Variants in KIF18B observed in about 807,000 individuals in gnomAD.
The protein encoded by KIF18B is kinesin family member 18B, also known as kinesin-like protein KIF18B.
KIF18B carries 49 observed loss-of-function variants against 80.9 expected under a neutral mutation model. That is an observed-to-expected ratio of 0.61 (90% CI 0.48 to 0.77). The LOEUF is 0.77. KIF18B is among the 30% of genes least tolerant of loss of function. The pLI, the probability that KIF18B is intolerant of heterozygous loss-of-function variation, is 0.00. For synonymous variants in KIF18B, 439 were observed against 463.9 expected, an observed-to-expected ratio of 0.95 and a Z score of 0.69; for missense variants, 994 against 1,127.7, an observed-to-expected ratio of 0.88 and a Z score of 1.70.
At chr17:44,938,681 T>C (rs1772738154) in intron 1 of KIF18B, among the ~76,000 whole-genome samples, 1 of 152,192 alleles carries the variant, frequency 6.6e-6, no homozygotes, top group African/African-American at 2.4e-5. Flanking sequence ...CCAAGGTCAT[T>C]TATCGAATAG....
chr17:44,928,136 G>A lies in KIF18B; in HGVS notation c.2166C>T (p.Ala722=). ...GAGGCTCCTCAGAGAGATCAAAGGT[G>A]GCATTGAGGTCTCGAGTGGGCAGAG... The part of the protein sequence containing the change: ...PLALPTRDLN[A]TFDLSEEPPS... Residue 722 remains alanine (A), a synonymous_variant, in exon 13 of 16, where the codon GCC becomes GCT. Coordinates refer to ENST00000593135, the MANE Select transcript of KIF18B (RefSeq NM_001265577.2). The A allele has an allele frequency of 6.2e-7, 1 of 1,605,736 alleles. No individual in the cohort carries two copies. Among genetic ancestry groups the A allele is most frequent in the South Asian group, 1.1e-5 (1 of 90,202 alleles).
chr17:44,938,802 T>C (rs1269392025), intron 1 of KIF18B, among the ~76,000 whole-genome samples: 2 of 152,156 alleles, frequency 1.3e-5, no homozygotes, highest in African/African-American at 4.8e-5. Flanking sequence ...CCCAGCACTT[T>C]GGGAGACCAA....
At position 44,936,624 on chromosome 17, in the gene KIF18B, A is replaced by AT. The variant is rs72105429; in HGVS notation, c.-14-267dup. Among the ~76,000 whole-genome samples, 11 of 27,904 alleles carry AT rather than the reference A, an allele frequency of 3.9e-4. 1 individual carries two copies. The highest frequency in any genetic ancestry group is 8.4e-4 in the African/African-American group (6 of 7,132). The allele number at this position is 27,904 out of a possible 152,430, so 18.3% of individuals were successfully genotyped here. On this transcript the variant is annotated intron_variant, in intron 1 of 15. Coordinates refer to ENST00000593135, the MANE Select transcript of KIF18B (RefSeq NM_001265577.2). ...TATATATATATATATATATATATAT[A>AT]TTTTTTTTTTTTTTTTTTTTTTTTT...
In KIF18B at chr17:44,928,587, A is replaced by T; in HGVS notation, c.1724-9T>A. The T allele has an allele frequency of 6.9e-7, 1 of 1,446,632 alleles. No homozygotes were observed. 89.6% of individuals were successfully genotyped at this position (1,446,632 alleles called of 1,614,324 possible). On this transcript the variant is annotated splice_polypyrimidine_tract_variant and intron_variant, in intron 12 of 15. Coordinates refer to ENST00000593135, the MANE Select transcript of KIF18B (RefSeq NM_001265577.2). Reference sequence around the variant, plus strand: ...AGGAGACGGCACAGGGACTGCACAGAAGGAAGGAGAGTTTGTAGAACTTGG... The same window carrying T: ...AGGAGACGGCACAGGGACTGCACAGTAGGAAGGAGAGTTTGTAGAACTTGG...
At chr17:44,931,934 G>T in intron 10 of KIF18B, 122 bp downstream of exon 10, 1 of 1,225,374 alleles carries the variant, frequency 8.2e-7, no homozygotes, top group Non-Finnish European at 1.1e-6. Flanking sequence ...AATGACTAAG[G>T]TGCAAGACAT....
At chr17:44,946,253 C>T (rs1191029305) in intron 1 of KIF18B, among the ~76,000 whole-genome samples, 1 of 151,924 alleles carries the variant, frequency 6.6e-6, no homozygotes, top group Non-Finnish European at 1.5e-5. Flanking sequence ...CAACAGTATA[C>T]ATGTATACTT....
intron 1 of KIF18B, among the ~76,000 whole-genome samples, chr17:44,937,118 A>G (rs2052327394): frequency 6.6e-6 from 1 of 151,642 alleles, no homozygotes; most frequent in Non-Finnish European, 1.5e-5. Context: ...TCCAGCTAGT[A>G]AGGCAAGAAC....
intron 1 of KIF18B, among the ~76,000 whole-genome samples, chr17:44,943,974 C>T (rs2052466750): frequency 6.6e-6 from 1 of 152,208 alleles, no homozygotes; most frequent in Non-Finnish European, 1.5e-5. Flanking sequence ...ACCTCAGCCT[C>T]CCAAAGTGCT....
intron 1 of KIF18B, among the ~76,000 whole-genome samples, chr17:44,943,261 G>A (rs560025938): frequency 1.1e-3 from 169 of 152,100 alleles, no homozygotes; most frequent in African/African-American, 3.8e-3. Context: ...CACCACGCCC[G>A]ACTAATTTTT....
intron 9 of KIF18B, 122 bp from the exon 10 acceptor site, chr17:44,932,328 C>T (rs545491869): frequency 4.2e-5 from 47 of 1,122,778 alleles, no homozygotes; most frequent in Middle Eastern, 3.1e-4. Context: ...GCACCCAGGT[C>T]GTATAGAGTC....
intron 1 of KIF18B, among the ~76,000 whole-genome samples, 197 bp from the exon 2 acceptor site, chr17:44,936,555 A>ACTCTCTCTCTCTCT (rs59137224): frequency 2.7e-5 from 1 of 37,232 alleles, no homozygotes; most frequent in East Asian, 9.3e-4. Flanking sequence ...TACTCAAATG[A>ACTCTCTCTCTCTCT]CTCTCTCTCT....
At chr17:44,939,740 GTATTA>G (rs1256684933) in intron 1 of KIF18B, among the ~76,000 whole-genome samples, 2 of 151,938 alleles carry the variant, frequency 1.3e-5, no homozygotes, top group Non-Finnish European at 2.9e-5. Flanking sequence ...CTTCACATGG[GTATTA>G]TATATTTCTT....
At chr17:44,936,982 T>C (rs1367635832) in intron 1 of KIF18B, among the ~76,000 whole-genome samples, 3 of 151,334 alleles carry the variant, frequency 2.0e-5, no homozygotes, top group African/African-American at 4.8e-5. Context: ...CTGGGCTTTC[T>C]AGTATGTTCC....
chr17:44,934,024 G>A lies in KIF18B; in HGVS notation c.961C>T (p.Arg321Cys), dbSNP rs145778164. ...LLKDSLGGNC[R>C]TVMIAAISPS... ...CTGATGGCAGCGATCATCACTGTGC[G>A]GCAGTTGCCCCCGAGGGAGTCTTTG... The change falls in exon 7 of 16, where the codon CGC (arginine) becomes TGC (cysteine). Residue 321 changes from arginine (R) to cysteine (C), a missense_variant. Coordinates refer to ENST00000593135, the MANE Select transcript of KIF18B (RefSeq NM_001265577.2). The surrounding 1 kb of genome is among the most constrained non-coding windows in gnomAD (Gnocchi z 5.4). 3.3e-4 allele frequency: 532 copies of A among 1,611,812 alleles called. 1 individual carries two copies. In the African/African-American group the frequency reaches 5.9e-3, roughly 18 times the overall value.
At chr17:44,939,821 T>A (rs1384328107) in intron 1 of KIF18B, among the ~76,000 whole-genome samples, 2 of 152,238 alleles carry the variant, frequency 1.3e-5, no homozygotes, top group African/African-American at 4.8e-5. Flanking sequence ...TATTTTATTT[T>A]TATTTTTTTT....
chr17:44,928,166 C>A lies in KIF18B; in HGVS notation c.2136G>T (p.Pro712=), dbSNP rs200703182. 16 of 1,608,932 alleles carry A rather than the reference C, an allele frequency of 9.9e-6. No homozygotes were observed. Among genetic ancestry groups the A allele is most frequent in the Non-Finnish European group, 1.3e-5 (15 of 1,177,492 alleles). ...GPSAMQNCST[P]LALPTRDLNA... ...TGAGGTCTCGAGTGGGCAGAGCCAG[C>A]GGGGTGGAGCAGTTCTGCATGGCGG... Residue 712 remains proline (P), a synonymous_variant, in exon 13 of 16, where the codon CCG becomes CCT. Transcript: ENST00000593135.
rs2052412062 is a variant in KIF18B, at chr17:44,941,349, T to C, written c.-14-4991A>G. Among the ~76,000 whole-genome samples, 5 of 151,222 alleles carry C rather than the reference T, an allele frequency of 3.3e-5. No homozygotes were observed. The South Asian group carries it at 1.0e-3, about 32-fold the overall frequency. On this transcript the variant is annotated intron_variant, in intron 1 of 15. Coordinates refer to ENST00000593135, the MANE Select transcript of KIF18B (RefSeq NM_001265577.2). ...ACCTAATTTTCTTTTTCTTTTTTTTTTTTTTTTGAGACAGAGTCTCGCTCT... is the reference window on the plus strand; with the variant it reads ...ACCTAATTTTCTTTTTCTTTTTTTTCTTTTTTTGAGACAGAGTCTCGCTCT...
At chr17:44,941,582 G>A (rs903752246) in intron 1 of KIF18B, among the ~76,000 whole-genome samples, 37 of 152,108 alleles carry the variant, frequency 2.4e-4, no homozygotes, top group Admixed American at 1.6e-3. Context: ...CAGGTGATCC[G>A]CCTGCCTTGG....
At chr17:44,931,807 C>T in intron 10 of KIF18B, 78 bp from the exon 11 acceptor site, 1 of 1,555,230 alleles carries the variant, frequency 6.4e-7, no homozygotes, top group South Asian at 1.2e-5. Context: ...TAAAATCCTT[C>T]CCTCCTACAA....
Sources: allele counts gnomAD v4.1 joint callset (sites outside exome capture counted in the v4.1 genomes callset), GRCh38; gene constraint gnomAD v4.1.1; non-coding constraint Gnocchi (gnomAD v3.1); transcripts MANE v1.5; gene names NCBI Gene and HGNC (gene_info 2026-07-23, HGNC 2026-07-21).